Variants in APBA1 observed in about 807,000 individuals in gnomAD.
The protein encoded by APBA1 is amyloid-beta A4 precursor protein-binding family A member 1.
APBA1 carries 55 observed loss-of-function variants against 86.6 expected under a neutral mutation model. The ratio of observed to expected loss-of-function variants is 0.64; its 90% CI spans 0.51 to 0.80. The LOEUF is 0.80. APBA1 is among the 30% of genes least tolerant of loss of function. The pLI is 0.00. For synonymous variants in APBA1, 511 were observed against 493.9 expected (o/e 1.03, Z -0.46); for missense variants, 1,090 against 1,183.0 (o/e 0.92, Z 1.15).
chr9:69,537,629 C>T (rs1836534337), intron 1 of APBA1, among the ~76,000 whole-genome samples: 1 of 152,034 alleles, frequency 6.6e-6, no homozygotes, highest in Admixed American at 6.6e-5. Context: ...AATGGGGCTT[C>T]CCTAACAGAT....
At chr9:69,556,636 C>T (rs1474360273) in intron 1 of APBA1, among the ~76,000 whole-genome samples, 1 of 152,204 alleles carries the variant, frequency 6.6e-6, no homozygotes, top group African/African-American at 2.4e-5. Context: ...TCAACAGTTG[C>T]TTTGGCTCTT....
At chr9:69,459,138 T>C (rs1036114459) in intron 5 of APBA1, among the ~76,000 whole-genome samples, 3 of 151,988 alleles carry the variant, frequency 2.0e-5, no homozygotes, top group Non-Finnish European at 4.4e-5. Flanking sequence ...TTGGAATTAA[T>C]TCCACTGTGG....
At chr9:69,439,446 GTCCC>G in intron 11 of APBA1, among the ~76,000 whole-genome samples, 1 of 152,080 alleles carries the variant, frequency 6.6e-6, no homozygotes. Context: ...TTTTCACATA[GTCCC>G]ATATTTCTTG....
At chr9:69,639,994 G>A (rs1172261292) in intron 1 of APBA1, among the ~76,000 whole-genome samples, 1 of 152,100 alleles carries the variant, frequency 6.6e-6, no homozygotes, top group African/African-American at 2.4e-5. Context: ...TGACAGTACA[G>A]GGGACAATCA....
At chr9:69,607,922 T>C (rs1413860044) in intron 1 of APBA1, among the ~76,000 whole-genome samples, 3 of 152,206 alleles carry the variant, frequency 2.0e-5, no homozygotes, top group African/African-American at 7.2e-5. Flanking sequence ...TGTGAAATCA[T>C]GCATGTAAAG....
intron 11 of APBA1, among the ~76,000 whole-genome samples, chr9:69,436,255 A>G (rs1349250304): frequency 4.7e-5 from 7 of 149,788 alleles, no homozygotes; most frequent in Admixed American, 4.0e-4. Flanking sequence ...TTGACTTGGC[A>G]ATGTGGGCTC....
At chr9:69,605,689 A>G (rs1822456659) in intron 1 of APBA1, among the ~76,000 whole-genome samples, 1 of 152,250 alleles carries the variant, frequency 6.6e-6, no homozygotes. Flanking sequence ...AGGCACTAAC[A>G]GCCACATGTC....
chr9:69,564,474 T>G (rs1408533433), intron 1 of APBA1, among the ~76,000 whole-genome samples: 4 of 152,162 alleles, frequency 2.6e-5, no homozygotes, highest in African/African-American at 9.7e-5. Context: ...ACTTTTGGGG[T>G]GGGAGGTCAC....
intron 1 of APBA1, among the ~76,000 whole-genome samples, chr9:69,562,161 T>C (rs1289818660): frequency 1.3e-5 from 2 of 152,154 alleles, no homozygotes; most frequent in African/African-American, 4.8e-5. Context: ...TTTATCATTA[T>C]ACAACGTATA....
chr9:69,658,320 T>TTCTCTCTCTTTCTCTCTCTCTC (rs1823676116), intron 1 of APBA1, among the ~76,000 whole-genome samples: 4 of 67,600 alleles, frequency 5.9e-5, no homozygotes, highest in South Asian at 4.6e-4. Flanking sequence ...CTTTCTTTCT[T>TTCTCTCTCTTTCTCTCTCTCTC]TCTTTCTTTC....
intron 8 of APBA1, among the ~76,000 whole-genome samples, chr9:69,455,405 G>A (rs1441476051): frequency 6.6e-6 from 1 of 152,120 alleles, no homozygotes; most frequent in African/African-American, 2.4e-5. Context: ...GGAGGTAGGG[G>A]AGCACCTGGG....
intron 1 of APBA1, among the ~76,000 whole-genome samples, chr9:69,583,878 T>C (rs895170798): frequency 2.0e-5 from 3 of 152,228 alleles, no homozygotes; most frequent in Non-Finnish European, 4.4e-5. Flanking sequence ...ATCTCTTGAA[T>C]GTGGATAATG....
intron 1 of APBA1, among the ~76,000 whole-genome samples, chr9:69,631,642 A>C (rs556097573): frequency 6.6e-6 from 1 of 152,370 alleles, no homozygotes; most frequent in East Asian, 1.9e-4. Context: ...AATAGCAAAG[A>C]CTTGGAACCA....
intron 10 of APBA1, 140 bp downstream of exon 10, chr9:69,449,444 A>G (rs1834964187): frequency 7.9e-6 from 6 of 761,692 alleles, no homozygotes; most frequent in Non-Finnish European, 8.8e-6. Context: ...CCTGAGTGCA[A>G]GTCCACGCCT....
At chr9:69,443,941 C>A (rs1834866115) in intron 10 of APBA1, among the ~76,000 whole-genome samples, 1 of 152,192 alleles carries the variant, frequency 6.6e-6, no homozygotes, top group Non-Finnish European at 1.5e-5. Context: ...CTTTTTAGTT[C>A]ATTTTCCTAC....
intron 1 of APBA1, among the ~76,000 whole-genome samples, chr9:69,656,719 G>A (rs879578975): frequency 4.6e-5 from 7 of 152,060 alleles, no homozygotes; most frequent in Non-Finnish European, 1.0e-4. Context: ...CACTATTCAA[G>A]TTACATCGCA....
At chr9:69,492,111 C>T (rs1298541248) in intron 2 of APBA1, among the ~76,000 whole-genome samples, 1 of 152,058 alleles carries the variant, frequency 6.6e-6, no homozygotes, top group Non-Finnish European at 1.5e-5. Context: ...AACAAGGTAA[C>T]TTATGTTTCA....
At chr9:69,562,402 T>C (rs1428899912) in intron 1 of APBA1, among the ~76,000 whole-genome samples, 3 of 151,130 alleles carry the variant, frequency 2.0e-5, no homozygotes, top group Non-Finnish European at 4.4e-5. Context: ...TGACATGAAG[T>C]CTCCCTCTGT....
At chr9:69,450,518 AC>A (rs929271654) in intron 9 of APBA1, among the ~76,000 whole-genome samples, 1 of 152,162 alleles carries the variant, frequency 6.6e-6, no homozygotes, top group Non-Finnish European at 1.5e-5. Flanking sequence ...GGGGGGCTTG[AC>A]AAAGTCCCCT....
Sources: allele counts gnomAD v4.1 joint callset (sites outside exome capture counted in the v4.1 genomes callset), GRCh38; gene constraint gnomAD v4.1.1; transcripts MANE v1.5; gene names NCBI Gene and HGNC (gene_info 2026-07-23, HGNC 2026-07-21).